The following PDZRN4 variants were observed in gnomAD, a reference collection of about 807,000 sequenced individuals.
PDZRN4 encodes the protein PDZ domain-containing RING finger protein 4.
In PDZRN4, 70 loss-of-function variants were observed where a neutral mutation model predicts 99.0. The ratio of observed to expected loss-of-function variants is 0.71; its 90% CI spans 0.58 to 0.86. The LOEUF is 0.86. Ranked by LOEUF, PDZRN4 falls within the 40% of genes least tolerant of loss-of-function variation. The pLI is 0.00. For synonymous variants in PDZRN4, 551 were observed against 501.6 expected, an observed-to-expected ratio of 1.10 and a Z score of -1.32; for missense variants, 1,474 against 1,331.2, an observed-to-expected ratio of 1.11 and a Z score of -1.67.
chr12:41,276,858 A>G (rs1054775863), intron 3 of PDZRN4, among the ~76,000 whole-genome samples: 4 of 152,162 alleles, frequency 2.6e-5, no homozygotes, highest in African/African-American at 9.7e-5. Context: ...GTCTGGATAA[A>G]CCAGAGTCAG....
At chr12:41,469,028 T>C (rs975335831) in intron 3 of PDZRN4, among the ~76,000 whole-genome samples, 3 of 151,974 alleles carry the variant, frequency 2.0e-5, no homozygotes, top group Non-Finnish European at 4.4e-5. Flanking sequence ...AAAAAAATTG[T>C]TACTCAAATC....
chr12:41,266,099 C>G (rs1951274614), intron 3 of PDZRN4, among the ~76,000 whole-genome samples: 1 of 64,842 alleles, frequency 1.5e-5, no homozygotes. Context: ...ATCACGAGGT[C>G]AGGAGATCGA....
At chr12:41,473,864 A>G (rs374683745) in intron 3 of PDZRN4, among the ~76,000 whole-genome samples, 72 of 152,336 alleles carry the variant, frequency 4.7e-4, no homozygotes, top group African/African-American at 1.7e-3. Context: ...AAAGCAACCA[A>G]AATACTTAGT....
intron 5 of PDZRN4, among the ~76,000 whole-genome samples, chr12:41,519,569 G>A (rs1262096866): frequency 6.6e-6 from 1 of 151,714 alleles, no homozygotes; most frequent in Non-Finnish European, 1.5e-5. Flanking sequence ...ATGAATGATC[G>A]TGTCACTCCT....
At position 41,411,753 on chromosome 12, in the gene PDZRN4, C is replaced by A. The variant is rs926637439; in HGVS notation, c.844-94703C>A. ...AAACCTAGTTAATTCTTTACAAGGC[C>A]CTGTAGTAAACAAAATAGAGCAGCT... is the stretch of plus-strand genomic sequence containing the variant. On this transcript the variant is annotated intron_variant, in intron 3 of 9. Transcript: ENST00000402685. 5.3e-5 allele frequency: 8 copies of A among 152,142 alleles called. 1 individual carries two copies. The highest frequency in any genetic ancestry group is 4.6e-4 in the Admixed American group (7 of 15,270). The allele number at this position is 152,142 out of a possible 1,614,324, so 9.4% of individuals were successfully genotyped here.
chr12:41,321,399 T>C (rs2120973324), intron 3 of PDZRN4, among the ~76,000 whole-genome samples: 1 of 152,320 alleles, frequency 6.6e-6, no homozygotes, highest in South Asian at 2.1e-4. Flanking sequence ...TAATTTATAA[T>C]ATTGTGCAGA....
chr12:41,474,470 A>C (rs992494038), intron 3 of PDZRN4, among the ~76,000 whole-genome samples: 2 of 152,218 alleles, frequency 1.3e-5, no homozygotes, highest in African/African-American at 4.8e-5. Context: ...GTTAGAGCTA[A>C]ATGAAGTACC....
intron 3 of PDZRN4, among the ~76,000 whole-genome samples, chr12:41,233,441 T>C (rs1338912145): frequency 1.3e-5 from 2 of 152,164 alleles, no homozygotes. Context: ...TTACTGGGTA[T>C]ATACCCAAAG....
chr12:41,297,233 T>A (rs112598917), intron 3 of PDZRN4, among the ~76,000 whole-genome samples: 585 of 152,324 alleles, frequency 3.8e-3, no homozygotes, highest in Middle Eastern at 0.01. Context: ...ATATCATACT[T>A]TTGAGCAGTT....
intron 3 of PDZRN4, among the ~76,000 whole-genome samples, chr12:41,342,278 A>G (rs759283066): frequency 2.6e-5 from 4 of 151,870 alleles, no homozygotes; most frequent in South Asian, 2.1e-4. Context: ...ATGCTTTATA[A>G]CAGTGGGCTG....
In PDZRN4 at chr12:41,411,067, A is replaced by ATAT. The variant is rs34064559; in HGVS notation, c.844-95388_844-95387insATT. On this transcript the variant is annotated intron_variant, in intron 3 of 9. Coordinates refer to ENST00000402685, the MANE Select transcript of PDZRN4 (RefSeq NM_001164595.2). ...CTTTAAAATATATATATATATATAT[A>ATAT]TTTTTTTTTTATTTGTAAAGATAGT... 4.1e-3 allele frequency among the ~76,000 whole-genome samples: 576 copies of ATAT among 140,410 alleles called. 20 individuals are homozygous for ATAT. In the East Asian group the frequency reaches 0.077, roughly 19 times the overall value. The allele number at this position is 140,410 out of a possible 152,430, so 92.1% of individuals were successfully genotyped here.
At chr12:41,321,142 A>T (rs1951674538) in intron 3 of PDZRN4, among the ~76,000 whole-genome samples, 1 of 152,150 alleles carries the variant, frequency 6.6e-6, no homozygotes, top group Non-Finnish European at 1.5e-5. Flanking sequence ...AACTTCTCAT[A>T]TGCACTTTTT....
intron 3 of PDZRN4, among the ~76,000 whole-genome samples, chr12:41,271,531 C>T (rs1951314437): frequency 6.6e-6 from 1 of 152,098 alleles, no homozygotes; most frequent in Non-Finnish European, 1.5e-5. Context: ...TTGAATCTTG[C>T]CAATTAAAAT....
intron 3 of PDZRN4, among the ~76,000 whole-genome samples, chr12:41,391,881 G>A (rs73126890): frequency 6.6e-6 from 1 of 152,276 alleles, no homozygotes; most frequent in Non-Finnish European, 1.5e-5. Context: ...AACAAGTGAT[G>A]AAGACGAGGA....
At chr12:41,218,048 G>GT (rs1950932572) in intron 3 of PDZRN4, among the ~76,000 whole-genome samples, 1 of 152,124 alleles carries the variant, frequency 6.6e-6, no homozygotes, top group Admixed American at 6.6e-5. Flanking sequence ...AGGGAGGCCA[G>GT]TTTTCAAAAG....
chr12:41,197,784 G>A (rs1021597569), intron 3 of PDZRN4, among the ~76,000 whole-genome samples: 1 of 152,136 alleles, frequency 6.6e-6, no homozygotes, highest in African/African-American at 2.4e-5. Context: ...GACCATTGCT[G>A]TAGTTATCAT....
At chr12:41,313,318 G>GT (rs1951619171) in intron 3 of PDZRN4, among the ~76,000 whole-genome samples, 1 of 151,966 alleles carries the variant, frequency 6.6e-6, no homozygotes, top group African/African-American at 2.4e-5. Context: ...ACCATCCCCA[G>GT]TTTTCCTTTT....
intron 3 of PDZRN4, among the ~76,000 whole-genome samples, chr12:41,503,513 A>G (rs991135691): frequency 2.0e-5 from 3 of 152,206 alleles, no homozygotes; most frequent in Non-Finnish European, 4.4e-5. Context: ...ATACTTTTCA[A>G]TGATTTTTAT....
chr12:41,215,773 C>G (rs978933551), intron 3 of PDZRN4, among the ~76,000 whole-genome samples: 1 of 151,862 alleles, frequency 6.6e-6, no homozygotes, highest in Non-Finnish European at 1.5e-5. Flanking sequence ...CCACTTTCTC[C>G]CATAGTGGTC....
Sources: allele counts gnomAD v4.1 joint callset (sites outside exome capture counted in the v4.1 genomes callset), GRCh38; gene constraint gnomAD v4.1.1; transcripts MANE v1.5; gene names NCBI Gene and HGNC (gene_info 2026-07-23, HGNC 2026-07-21).